DPP6: variants seen among roughly 807,000 people sequenced by gnomAD.
DPP6 encodes dipeptidyl peptidase like 6.
Under a neutral mutation model 122.6 loss-of-function variants are expected in DPP6, and 69 were observed. The observed-to-expected ratio is 0.56, with a 90% CI of 0.46 to 0.69. The LOEUF is 0.69. Ranked by LOEUF, DPP6 falls within the 30% of genes least tolerant of loss-of-function variation. DPP6 has a pLI of 0.00. For synonymous variants in DPP6, 418 were observed against 433.1 expected, an observed-to-expected ratio of 0.97 and a Z score of 0.43; for missense variants, 928 against 1,116.9, an observed-to-expected ratio of 0.83 and a Z score of 2.41.
chr7:153,860,598 C>G, the DPP6 span, among the ~76,000 whole-genome samples: 1 of 151,950 alleles, frequency 6.6e-6, no homozygotes, highest in African/African-American at 2.4e-5. Flanking sequence ...CAATGACAAG[C>G]CCCAGGTACT....
chr7:154,500,952 G>C (rs1348640924), intron 3 of DPP6, among the ~76,000 whole-genome samples: 1 of 152,182 alleles, frequency 6.6e-6, no homozygotes, highest in South Asian at 2.1e-4. Context: ...AATGCTGATA[G>C]TGCTATGGAC....
intron 12 of DPP6, chr7:154,796,099 C>A: frequency 1.5e-6 from 1 of 652,948 alleles, no homozygotes; most frequent in Non-Finnish European, 2.4e-6. Flanking sequence ...CAGGGAGGGT[C>A]GTGTGAAAAT....
At chr7:154,351,230 G>A (rs897591344) in intron 1 of DPP6, among the ~76,000 whole-genome samples, 3 of 152,002 alleles carry the variant, frequency 2.0e-5, no homozygotes, top group African/African-American at 4.8e-5. Flanking sequence ...TTATGAGGAC[G>A]GTTTCCCTGG....
At chr7:154,609,276 T>C (rs1019057289) in intron 5 of DPP6, among the ~76,000 whole-genome samples, 4 of 152,272 alleles carry the variant, frequency 2.6e-5, no homozygotes, top group African/African-American at 7.2e-5. Flanking sequence ...GTACTATCTT[T>C]CTTTGCATTG....
Position 154,599,945 on chromosome 7 carries a change from T to C in DPP6, c.627+33029T>C, listed in dbSNP as rs571735180. Among the ~76,000 whole-genome samples the C allele has an allele frequency of 5.9e-5, 9 of 152,168 alleles. No individual in the cohort carries two copies. The Middle Eastern group carries it at 0.01, about 173-fold the overall frequency. On this transcript the variant is annotated intron_variant, in intron 5 of 25. Coordinates refer to ENST00000377770, the MANE Select transcript of DPP6 (RefSeq NM_130797.4). ...TCAGTCCCGCATGTTTTGGCAAACT[T>C]TCCTCTCTGCTGTGGCACTTCAATC...
At chr7:154,487,132 CTTT>C (rs1421942543) in intron 3 of DPP6, among the ~76,000 whole-genome samples, 4 of 152,082 alleles carry the variant, frequency 2.6e-5, no homozygotes, top group Non-Finnish European at 4.4e-5. Flanking sequence ...ACAGGCTCTT[CTTT>C]TTTTGTTTTT....
At chr7:153,873,946 G>C in the DPP6 span, among the ~76,000 whole-genome samples, 1 of 152,170 alleles carries the variant, frequency 6.6e-6, no homozygotes, top group Non-Finnish European at 1.5e-5. Context: ...ACACACTAGA[G>C]TTTGAATTGG....
intron 1 of DPP6, among the ~76,000 whole-genome samples, chr7:154,318,411 A>G (rs1807625038): frequency 6.6e-6 from 1 of 152,178 alleles, no homozygotes; most frequent in African/African-American, 2.4e-5. Context: ...AAAAGTTATT[A>G]AGCCACAAAT....
chr7:154,085,877 A>G (rs184487337), intron 1 of DPP6, among the ~76,000 whole-genome samples: 1 of 152,180 alleles, frequency 6.6e-6, no homozygotes, highest in East Asian at 1.9e-4. Context: ...ACAGGCGCTC[A>G]CCATCATGCC....
At chr7:154,012,433 A>G (rs559045589) in intron 1 of DPP6, among the ~76,000 whole-genome samples, 1 of 152,308 alleles carries the variant, frequency 6.6e-6, no homozygotes, top group East Asian at 1.9e-4. Flanking sequence ...TGTGACACCA[A>G]ATGCACAAAG....
intron 1 of DPP6, among the ~76,000 whole-genome samples, chr7:154,083,953 G>C (rs1193219396): frequency 6.9e-6 from 1 of 143,970 alleles, no homozygotes; most frequent in African/African-American, 2.8e-5. Flanking sequence ...GAATTGAGAT[G>C]GAGCAGTGTT....
chr7:154,034,105 G>A (rs1182816141), intron 1 of DPP6, among the ~76,000 whole-genome samples: 1 of 152,188 alleles, frequency 6.6e-6, no homozygotes, highest in Admixed American at 6.5e-5. Context: ...CTTATTAAGT[G>A]TAGGGCCAAC....
intron 1 of DPP6, among the ~76,000 whole-genome samples, chr7:154,126,988 C>A (rs1807939987): frequency 6.6e-6 from 1 of 152,168 alleles, no homozygotes; most frequent in Non-Finnish European, 1.5e-5. Context: ...CCTTCCAGCT[C>A]CTTGGGGGAT....
chr7:154,306,405 C>T (rs182972947), intron 1 of DPP6, among the ~76,000 whole-genome samples: 1 of 152,328 alleles, frequency 6.6e-6, no homozygotes, highest in Non-Finnish European at 1.5e-5. Flanking sequence ...TAAAATAGAT[C>T]CTGGGAGACA....
At chr7:153,908,387 A>C (rs1799940394) in intron 1 of DPP6, among the ~76,000 whole-genome samples, 1 of 152,210 alleles carries the variant, frequency 6.6e-6, no homozygotes, top group Non-Finnish European at 1.5e-5. Context: ...TAGGAACAAA[A>C]TCCTGAAAAC....
intron 5 of DPP6, among the ~76,000 whole-genome samples, chr7:154,634,632 C>A (rs535325760): frequency 6.8e-6 from 1 of 147,498 alleles, no homozygotes; most frequent in African/African-American, 2.4e-5. Context: ...TCCTCCTCCT[C>A]CTCCTCTTCT....
chr7:154,575,393 T>G, intron 5 of DPP6, among the ~76,000 whole-genome samples: 2 of 76,538 alleles, frequency 2.6e-5, no homozygotes, highest in African/African-American at 5.4e-5. Context: ...GATGTGTGTG[T>G]AGTGTGTGTG....
intron 5 of DPP6, among the ~76,000 whole-genome samples, chr7:154,589,235 G>T (rs1369136141): frequency 1.3e-5 from 2 of 152,086 alleles, no homozygotes; most frequent in East Asian, 1.9e-4. Context: ...ATAATCTTTG[G>T]TTCACAGTAA....
At chr7:153,755,791 TTA>T in the DPP6 span, among the ~76,000 whole-genome samples, 3 of 152,194 alleles carry the variant, frequency 2.0e-5, no homozygotes, top group Non-Finnish European at 4.4e-5. Context: ...CTTCAAGACT[TTA>T]TATCTTTGTG....
Sources: gnomAD v4.1 joint callset for allele counts (sites outside exome capture counted in the v4.1 genomes callset) on GRCh38, gnomAD v4.1.1 for gene constraint, MANE v1.5 for transcripts, NCBI Gene and HGNC (gene_info 2026-07-23, HGNC 2026-07-21) for gene names.